The following FHIT variants were observed in gnomAD, a reference collection of about 807,000 sequenced individuals.
FHIT encodes bis(5'-adenosyl)-triphosphatase.
FHIT carries 19 observed loss-of-function variants against 17.9 expected under a neutral mutation model. The observed-to-expected ratio is 1.06, with a 90% CI of 0.74 to 1.56. The LOEUF (loss-of-function observed/expected upper bound fraction) is 1.56. FHIT is among the 40% of genes most tolerant of loss of function. The pLI is 0.00. For synonymous variants in FHIT, 81 were observed against 69.7 expected (o/e 1.16, Z -0.81); for missense variants, 248 against 189.2 (o/e 1.31, Z -1.82).
rs79113722 is a variant in FHIT, at chr3:60,214,530, G to A, written c.104-200378C>T. Among the ~76,000 whole-genome samples the A allele has an allele frequency of 2.8e-3, 425 of 152,212 alleles. 1 individual carries two copies. Among genetic ancestry groups the A allele is most frequent in the African/African-American group, 9.8e-3 (406 of 41,554 alleles). ...AAAAGCCACACCATGCTGGTGAGGC[G>A]ACAGAGTAAAGGGAACACTTACATA... is the stretch of plus-strand genomic sequence containing the variant. On this transcript the variant is annotated intron_variant, in intron 5 of 9. Coordinates refer to ENST00000492590, the MANE Select transcript of FHIT (RefSeq NM_002012.4).
chr3:60,760,261 A>C (rs1320096895), intron 4 of FHIT, among the ~76,000 whole-genome samples: 1 of 152,188 alleles, frequency 6.6e-6, no homozygotes, highest in Non-Finnish European at 1.5e-5. Context: ...TCACGGCACC[A>C]TGAAGGCCGA....
At chr3:59,968,346 A>C (rs1340845448) in intron 7 of FHIT, among the ~76,000 whole-genome samples, 4 of 152,142 alleles carry the variant, frequency 2.6e-5, no homozygotes, top group African/African-American at 9.6e-5. Context: ...AAAAGGGCAG[A>C]AACCTATATG....
chr3:61,052,273 C>A (rs1284830569), intron 2 of FHIT, among the ~76,000 whole-genome samples: 1 of 152,254 alleles, frequency 6.6e-6, no homozygotes, highest in African/African-American at 2.4e-5. Context: ...AACATCTCAA[C>A]TAATCCTAGC....
chr3:60,600,017 G>A (rs1487332795), intron 4 of FHIT, among the ~76,000 whole-genome samples: 2 of 152,124 alleles, frequency 1.3e-5, no homozygotes, highest in Non-Finnish European at 2.9e-5. Context: ...TTCAGATGGG[G>A]AAAGGGGAGA....
At chr3:60,116,719 G>C (rs4679635) in intron 5 of FHIT, among the ~76,000 whole-genome samples, 61,679 of 151,854 alleles carry the variant, frequency 0.41, 12,885 homozygotes, top group East Asian at 0.62. Context: ...CAAGCAAGCA[G>C]GTAAGGCAGA....
intron 5 of FHIT, among the ~76,000 whole-genome samples, chr3:60,506,500 C>A (rs1232065044): frequency 6.6e-6 from 1 of 152,154 alleles, no homozygotes; most frequent in African/African-American, 2.4e-5. Context: ...TAGTAGATGG[C>A]ACCATTTTCT....
chr3:60,509,439 A>G (rs2034859614), intron 5 of FHIT, among the ~76,000 whole-genome samples: 1 of 152,228 alleles, frequency 6.6e-6, no homozygotes, highest in African/African-American at 2.4e-5. Context: ...CAGATAATAA[A>G]TAGATGAATT....
chr3:60,526,172 G>A (rs2035569175), intron 5 of FHIT, among the ~76,000 whole-genome samples: 1 of 140,290 alleles, frequency 7.1e-6, no homozygotes, highest in Non-Finnish European at 1.5e-5. Context: ...ACAAACAGGT[G>A]ACAGGTAAGT....
intron 4 of FHIT, among the ~76,000 whole-genome samples, chr3:60,591,352 T>C (rs1316185917): frequency 2.0e-5 from 3 of 151,478 alleles, no homozygotes; most frequent in African/African-American, 7.3e-5. Flanking sequence ...CCAAACCTAA[T>C]GAGAGATAGT....
chr3:59,929,875 T>G (rs897948286), intron 7 of FHIT, among the ~76,000 whole-genome samples: 1 of 142,858 alleles, frequency 7.0e-6, no homozygotes, highest in Non-Finnish European at 1.5e-5. Context: ...TTTTTTTTTT[T>G]AGTCTCAATT....
intron 3 of FHIT, among the ~76,000 whole-genome samples, chr3:61,029,015 C>A (rs948049500): frequency 1.3e-5 from 2 of 152,238 alleles, no homozygotes; most frequent in East Asian, 3.9e-4. Context: ...TGAGGCTAGA[C>A]CAAGGCTCTT....
intron 2 of FHIT, among the ~76,000 whole-genome samples, chr3:61,123,751 T>A (rs2036530012): frequency 6.6e-6 from 1 of 152,066 alleles, no homozygotes; most frequent in Admixed American, 6.6e-5. Flanking sequence ...GTGGTGGGGG[T>A]GTTCTAATTG....
intron 3 of FHIT, among the ~76,000 whole-genome samples, chr3:61,028,548 A>G (rs2032852316): frequency 6.6e-6 from 1 of 152,224 alleles, no homozygotes; most frequent in Non-Finnish European, 1.5e-5. Flanking sequence ...GAAGGATTCT[A>G]GAATCAGGCA....
chr3:60,360,964 G>A (rs375898805), intron 5 of FHIT, among the ~76,000 whole-genome samples: 9 of 152,202 alleles, frequency 5.9e-5, no homozygotes, highest in East Asian at 5.8e-4. Context: ...CCTTCCGTCC[G>A]ACCCATGTGA....
At chr3:61,071,348 G>A (rs2034799882) in intron 2 of FHIT, among the ~76,000 whole-genome samples, 2 of 152,132 alleles carry the variant, frequency 1.3e-5, no homozygotes, top group African/African-American at 4.8e-5. Flanking sequence ...AATATGCTTT[G>A]AATGTTCACA....
chr3:59,946,389 T>C (rs1407957980), intron 7 of FHIT, among the ~76,000 whole-genome samples: 1 of 152,234 alleles, frequency 6.6e-6, no homozygotes, highest in African/African-American at 2.4e-5. Context: ...GAAACCTTGC[T>C]GAAGTTGTTT....
At chr3:59,968,211 C>A (rs1708017569) in intron 7 of FHIT, among the ~76,000 whole-genome samples, 6 of 152,046 alleles carry the variant, frequency 3.9e-5, no homozygotes. Flanking sequence ...TTGACCTTAA[C>A]TGAGAACACC....
intron 5 of FHIT, among the ~76,000 whole-genome samples, chr3:60,278,722 A>G (rs983854540): frequency 1.3e-5 from 2 of 150,236 alleles, no homozygotes; most frequent in African/African-American, 2.5e-5. Context: ...CCTCATAACA[A>G]AAAAAAAAAT....
At chr3:60,572,546 A>G (rs923025535) in intron 4 of FHIT, among the ~76,000 whole-genome samples, 3 of 152,148 alleles carry the variant, frequency 2.0e-5, no homozygotes, top group Non-Finnish European at 4.4e-5. Flanking sequence ...GCATACACAC[A>G]CAGACACACA....
Sources: gnomAD v4.1 joint callset for allele counts (sites outside exome capture counted in the v4.1 genomes callset) on GRCh38, gnomAD v4.1.1 for gene constraint, MANE v1.5 for transcripts, NCBI Gene and HGNC (gene_info 2026-07-23, HGNC 2026-07-21) for gene names.